The following MRPS27 variants were observed in gnomAD, a reference collection of about 807,000 sequenced individuals.
MRPS27 encodes mitochondrial ribosomal protein S27.
In MRPS27, 43 loss-of-function variants were observed where a neutral mutation model predicts 48.9. The observed-to-expected ratio is 0.88, with a 90% CI of 0.69 to 1.13. MRPS27 has a LOEUF of 1.13. MRPS27 is among the 50% of genes most tolerant of loss of function. MRPS27 has a pLI of 0.00. For missense variants in MRPS27, 467 were observed against 476.3 expected (o/e 0.98, Z 0.18); for synonymous variants, 188 against 171.9 (o/e 1.09, Z -0.73).
In MRPS27 at chr5:72,305,982, T is replaced by C. The variant is rs77736237; in HGVS notation, c.151+8099A>G. 3.7e-3 allele frequency among the ~76,000 whole-genome samples: 567 copies of C among 152,330 alleles called. 1 individual carries two copies. Among genetic ancestry groups the C allele is most frequent in the African/African-American group, 0.013 (551 of 41,590 alleles). On this transcript the variant is annotated intron_variant, in intron 2 of 10. Coordinates refer to ENST00000261413, the MANE Select transcript of MRPS27 (RefSeq NM_015084.3). ...GAAACAATCAAAAGTTGAAATCTGA[T>C]TGAAGTAGGAAAGCCCAGGGCTCTA...
At chr5:72,306,288 A>G (rs1318471634) in intron 2 of MRPS27, among the ~76,000 whole-genome samples, 1 of 152,246 alleles carries the variant, frequency 6.6e-6, no homozygotes, top group Non-Finnish European at 1.5e-5. Flanking sequence ...GAAATAACAA[A>G]TCTAAGTAAA....
At chr5:72,261,113 C>T (rs973979100) in intron 4 of MRPS27, among the ~76,000 whole-genome samples, 1 of 152,208 alleles carries the variant, frequency 6.6e-6, no homozygotes, top group Non-Finnish European at 1.5e-5. Context: ...ATCCGCCCAC[C>T]TTGGCCTCCA....
intron 4 of MRPS27, among the ~76,000 whole-genome samples, chr5:72,276,757 C>T (rs73127270): frequency 2.6e-5 from 4 of 151,250 alleles, no homozygotes; most frequent in African/African-American, 4.8e-5. Context: ...AAGCGCCAGG[C>T]GTGGTGGCTC....
At chr5:72,285,989 T>C (rs1213033449) in intron 4 of MRPS27, among the ~76,000 whole-genome samples, 1 of 152,222 alleles carries the variant, frequency 6.6e-6, no homozygotes, top group Non-Finnish European at 1.5e-5. Flanking sequence ...TCCTCATTTA[T>C]TTCCATCTCA....
intron 7 of MRPS27, among the ~76,000 whole-genome samples, chr5:72,230,463 C>T (rs995816394): frequency 2.0e-5 from 3 of 152,204 alleles, no homozygotes; most frequent in African/African-American, 7.2e-5. Flanking sequence ...TTAGTGCCTC[C>T]CGTGCCACTA....
intron 2 of MRPS27, among the ~76,000 whole-genome samples, chr5:72,308,147 G>A (rs1012690279): frequency 6.6e-6 from 1 of 152,160 alleles, no homozygotes; most frequent in Non-Finnish European, 1.5e-5. Flanking sequence ...CCGCGGCCCC[G>A]GCGCTGGGAA....
At chr5:72,237,540 T>C (rs1274885541) in intron 5 of MRPS27, among the ~76,000 whole-genome samples, 3 of 152,316 alleles carry the variant, frequency 2.0e-5, no homozygotes, top group African/African-American at 7.2e-5. Flanking sequence ...TCTGTTCATT[T>C]TGTATTTACT....
intron 4 of MRPS27, among the ~76,000 whole-genome samples, chr5:72,250,959 A>T (rs1356424400): frequency 6.6e-6 from 1 of 152,220 alleles, no homozygotes; most frequent in Non-Finnish European, 1.5e-5. Flanking sequence ...GGTAAAAGTT[A>T]TATCCAGTTT....
chr5:72,280,698 C>G (rs1749512199), intron 4 of MRPS27, among the ~76,000 whole-genome samples: 1 of 152,204 alleles, frequency 6.6e-6, no homozygotes, highest in South Asian at 2.1e-4. Flanking sequence ...ATTTCTATTT[C>G]AATTGCTTAC....
At chr5:72,249,414 T>C (rs114723486) in intron 4 of MRPS27, among the ~76,000 whole-genome samples, 8,553 of 152,328 alleles carry the variant, frequency 0.056, 778 homozygotes, top group African/African-American at 0.19. Context: ...CCCCGCGTGG[T>C]GGCTCACGCC....
chr5:72,266,466 T>C (rs1482284839), intron 4 of MRPS27, among the ~76,000 whole-genome samples: 1 of 152,240 alleles, frequency 6.6e-6, no homozygotes, highest in Non-Finnish European at 1.5e-5. Context: ...CATGTGCTTT[T>C]TCATGCTCTA....
At chr5:72,270,288 A>C (rs574153273) in intron 4 of MRPS27, among the ~76,000 whole-genome samples, 1 of 150,660 alleles carries the variant, frequency 6.6e-6, no homozygotes, top group East Asian at 1.9e-4. Context: ...ATAAAAAAAG[A>C]AAAAATACTC....
intron 4 of MRPS27, among the ~76,000 whole-genome samples, chr5:72,269,641 G>A (rs558457556): frequency 6.6e-6 from 1 of 152,270 alleles, no homozygotes; most frequent in Non-Finnish European, 1.5e-5. Context: ...ATATCATCAG[G>A]CAAAGGATGG....
chr5:72,308,273 C>T (rs1251478198), intron 2 of MRPS27, among the ~76,000 whole-genome samples: 1 of 152,240 alleles, frequency 6.6e-6, no homozygotes, highest in Non-Finnish European at 1.5e-5. Context: ...ACCTCTCTCT[C>T]GCCGTACTCC....
At chr5:72,255,971 G>A (rs576431356) in intron 4 of MRPS27, among the ~76,000 whole-genome samples, 2 of 152,278 alleles carry the variant, frequency 1.3e-5, no homozygotes, top group East Asian at 3.9e-4. Context: ...AAGAAGGAGT[G>A]TTTGTCTAGA....
intron 8 of MRPS27, 157 bp from the exon 9 acceptor site, chr5:72,226,356 A>G: frequency 1.3e-6 from 1 of 765,652 alleles, no homozygotes; most frequent in East Asian, 2.7e-5. Flanking sequence ...TCATTCGGTG[A>G]CACTTCAGAT....
In MRPS27 at chr5:72,297,633, C is replaced by T. The variant is rs527783712; in HGVS notation, c.221G>A (p.Arg74Gln). The change falls in exon 3 of 11, where the codon CGG becomes CAG. Residue 74 changes from arginine to glutamine, a missense_variant and splice_region_variant. Coordinates refer to ENST00000261413, the MANE Select transcript of MRPS27 (RefSeq NM_015084.3). ...KLPVSSLTIS[R>Q]LIDNISSREE... ...ATATATATGTTAAAATTTTCTTACC[C>T]GTGATATTGTTAAAGAACTAACAGG... 9 of 1,573,426 alleles carry T rather than the reference C, an allele frequency of 5.7e-6. No homozygotes were observed. The highest frequency in any genetic ancestry group is 4.6e-5 in the South Asian group (4 of 86,224).
chr5:72,245,223 G>A (rs542104108), intron 4 of MRPS27, among the ~76,000 whole-genome samples: 207 of 152,316 alleles, frequency 1.4e-3, no homozygotes, highest in African/African-American at 4.6e-3. Flanking sequence ...CTGAGAGGCA[G>A]TTACTGAAGG....
At chr5:72,235,312 C>G (rs1052634024) in intron 5 of MRPS27, among the ~76,000 whole-genome samples, 6 of 152,066 alleles carry the variant, frequency 3.9e-5, no homozygotes, top group African/African-American at 1.4e-4. Flanking sequence ...CAGTGATTCT[C>G]AACCCAGGCT....
Sources: gnomAD v4.1 joint callset for allele counts (sites outside exome capture counted in the v4.1 genomes callset) on GRCh38, gnomAD v4.1.1 for gene constraint, MANE v1.5 for transcripts, NCBI Gene and HGNC (gene_info 2026-07-23, HGNC 2026-07-21) for gene names.